PSMB2: variants seen among roughly 807,000 people sequenced by gnomAD.
PSMB2 encodes proteasome subunit beta type-2.
PSMB2 carries 13 observed loss-of-function variants against 25.7 expected under a neutral mutation model. The observed-to-expected ratio is 0.51, with a 90% confidence interval of 0.33 to 0.80. The LOEUF (loss-of-function observed/expected upper bound fraction) is 0.80. Ranked by LOEUF, PSMB2 falls within the 30% of genes least tolerant of loss-of-function variation. The pLI, the probability that PSMB2 is intolerant of heterozygous loss-of-function variation, is 0.02. For synonymous variants in PSMB2, 87 were observed against 96.2 expected, an observed-to-expected ratio of 0.90 and a Z score of 0.56; for missense variants, 202 against 259.0, an observed-to-expected ratio of 0.78 and a Z score of 1.51.
chr1:35,621,037 T>A (rs1650666992), intron 3 of PSMB2, among the ~76,000 whole-genome samples: 1 of 152,086 alleles, frequency 6.6e-6, no homozygotes, highest in Non-Finnish European at 1.5e-5. Flanking sequence ...TATTTGTTTT[T>A]AATCAGTAGA....
chr1:35,635,035 A>C (rs1651206267), intron 2 of PSMB2, among the ~76,000 whole-genome samples: 1 of 151,952 alleles, frequency 6.6e-6, no homozygotes, highest in South Asian at 2.1e-4. Flanking sequence ...CGAGGTGGGC[A>C]GATCATCTGA....
chr1:35,606,196 C>G (rs1242496846), intron 4 of PSMB2, among the ~76,000 whole-genome samples: 1 of 152,058 alleles, frequency 6.6e-6, no homozygotes, highest in Non-Finnish European at 1.5e-5. Flanking sequence ...CTAGGAAGTC[C>G]TAACCAGAGC....
At position 35,601,643 on chromosome 1, in the gene PSMB2, T is replaced by C. The variant is rs1045642969; in HGVS notation, c.*1624A>G. 6 of 985,078 alleles carry C rather than the reference T, an allele frequency of 6.1e-6. No homozygotes were observed. Among genetic ancestry groups the C allele is most frequent in the African/African-American group, 1.7e-5 (1 of 57,240 alleles). The allele number at this position is 985,078 out of a possible 1,614,324, so 61.0% of individuals were successfully genotyped here. A position where few individuals can be genotyped will look rare whatever the true frequency, so the allele number is the denominator to read the frequency against. On this transcript the variant is annotated 3_prime_UTR_variant, in exon 6 of 6. Transcript: ENST00000373237. ...GATCAGTAGGTAGTATCTTAGATGATACATTTAATCACAGACAAAACAAAA... is the reference window on the plus strand; with the variant it reads ...GATCAGTAGGTAGTATCTTAGATGACACATTTAATCACAGACAAAACAAAA...
rs949989460 is a variant in PSMB2, at chr1:35,631,566, C to G, written c.215-222G>C. 45 of 1,272,614 alleles carry G rather than the reference C, an allele frequency of 3.5e-5. No individual in the cohort carries two copies. The Admixed American group carries it at 1.4e-3, about 41-fold the overall frequency. The allele number at this position is 1,272,614 out of a possible 1,614,324, so 78.8% of individuals were successfully genotyped here. A position where few individuals can be genotyped will look rare whatever the true frequency, so the allele number is the denominator to read the frequency against. ...AGCAATTCTTGGCCACAAACAGAAC[C>G]AGTTCTATAGTGGAATGAAACTTCT... On this transcript the variant is annotated intron_variant, in intron 2 of 5. Coordinates refer to ENST00000373237, the MANE Select transcript of PSMB2 (RefSeq NM_002794.5).
intron 1 of PSMB2, 26 bp from the exon 2 acceptor site, chr1:35,636,458 G>C: frequency 6.2e-7 from 1 of 1,608,096 alleles, no homozygotes; most frequent in Non-Finnish European, 8.5e-7. Flanking sequence ...AACTGTGTTA[G>C]AAACTGCCTT....
intron 1 of PSMB2, among the ~76,000 whole-genome samples, chr1:35,639,470 A>T (rs1651333651): frequency 6.6e-6 from 1 of 152,170 alleles, no homozygotes; most frequent in African/African-American, 2.4e-5. Context: ...GAACTCATTA[A>T]TTTAAAAACC....
intron 3 of PSMB2, among the ~76,000 whole-genome samples, chr1:35,616,736 C>A (rs1650500425): frequency 6.6e-6 from 1 of 152,124 alleles, no homozygotes; most frequent in Non-Finnish European, 1.5e-5. Context: ...TAAAATGAAT[C>A]AATTGTTATT....
At position 35,599,636 on chromosome 1, in the gene PSMB2, C is replaced by G; in HGVS notation, c.*3631G>C. The stretch of plus-strand genomic sequence containing the variant: ...TTATGGAATGCCTAGCATGTCAAAT[C>G]AAAGAATTGGGCTTTATTCTCTTAA... On this transcript the variant is annotated 3_prime_UTR_variant, in exon 6 of 6. Coordinates refer to ENST00000373237, the MANE Select transcript of PSMB2 (RefSeq NM_002794.5). 2 of 984,226 alleles carry G rather than the reference C, an allele frequency of 2.0e-6. No homozygotes were observed. Among genetic ancestry groups the G allele is most frequent in the Non-Finnish European group, 2.4e-6 (2 of 828,896 alleles). The allele number at this position is 984,226 out of a possible 1,614,324, so 61.0% of individuals were successfully genotyped here.
chr1:35,602,924 G>C lies in PSMB2; in HGVS notation c.*343C>G. On this transcript the variant is annotated 3_prime_UTR_variant, in exon 6 of 6. Coordinates refer to ENST00000373237, the MANE Select transcript of PSMB2 (RefSeq NM_002794.5). ...GGGCAAAAAGAACCACTACTTTAGA[G>C]AGAATGGAGATACTAGCAAGTAAAA... The C allele has an allele frequency of 9.8e-7, 1 of 1,022,316 alleles. No homozygotes were observed. Among genetic ancestry groups the C allele is most frequent in the Non-Finnish European group, 1.2e-6 (1 of 851,496 alleles). 63.3% of individuals were successfully genotyped at this position (1,022,316 alleles called of 1,614,324 possible). A position where few individuals can be genotyped will look rare whatever the true frequency, so the allele number is the denominator to read the frequency against.
chr1:35,629,984 T>C (rs1202728855), intron 3 of PSMB2, among the ~76,000 whole-genome samples: 4 of 151,934 alleles, frequency 2.6e-5, no homozygotes, highest in Non-Finnish European at 1.5e-5. Context: ...GCCTGACACC[T>C]GACCAACATG....
In PSMB2 at chr1:35,600,624, G is replaced by A; in HGVS notation, c.*2643C>T. 5.1e-6 allele frequency: 5 copies of A among 985,398 alleles called. No homozygotes were observed. The highest frequency in any genetic ancestry group is 6.0e-6 in the Non-Finnish European group (5 of 829,928). The allele number at this position is 985,398 out of a possible 1,614,324, so 61.0% of individuals were successfully genotyped here. ...CGGTTTGGAGAGGGGCAGATGGTAA[G>A]GCTCAGCTTTAGACATACTGAGTTC... On this transcript the variant is annotated 3_prime_UTR_variant, in exon 6 of 6. Coordinates refer to ENST00000373237, the MANE Select transcript of PSMB2 (RefSeq NM_002794.5).
chr1:35,623,551 G>A (rs1650758904), intron 3 of PSMB2, among the ~76,000 whole-genome samples: 1 of 152,202 alleles, frequency 6.6e-6, no homozygotes, highest in South Asian at 2.1e-4. Flanking sequence ...CAGTGTCAAA[G>A]GCTGCCTCTT....
At chr1:35,631,735 TG>T in intron 2 of PSMB2, among the ~76,000 whole-genome samples, 1 of 152,322 alleles carries the variant, frequency 6.6e-6, no homozygotes, top group East Asian at 1.9e-4. Context: ...AAAAGGATAT[TG>T]GGGGCCAGTC....
Position 35,599,626 on chromosome 1 carries a change from C to A in PSMB2, c.*3641G>T. On this transcript the variant is annotated 3_prime_UTR_variant, in exon 6 of 6. Coordinates refer to ENST00000373237, the MANE Select transcript of PSMB2 (RefSeq NM_002794.5). Reference sequence around the variant, plus strand: ...TCGGAGAGGATTATGGAATGCCTAGCATGTCAAATCAAAGAATTGGGCTTT... The same window carrying A: ...TCGGAGAGGATTATGGAATGCCTAGAATGTCAAATCAAAGAATTGGGCTTT... 1 of 983,950 alleles carries A rather than the reference C, an allele frequency of 1.0e-6. No homozygotes were observed. Among genetic ancestry groups the A allele is most frequent in the Non-Finnish European group, 1.2e-6 (1 of 828,670 alleles). The allele number at this position is 983,950 out of a possible 1,614,324, so 61.0% of individuals were successfully genotyped here.
At chr1:35,607,270 A>T (rs966786137) in intron 4 of PSMB2, among the ~76,000 whole-genome samples, 2 of 152,198 alleles carry the variant, frequency 1.3e-5, no homozygotes, top group Non-Finnish European at 2.9e-5. Flanking sequence ...GAGAAAATAC[A>T]TGCAAACTAC....
intron 3 of PSMB2, among the ~76,000 whole-genome samples, chr1:35,609,949 A>T (rs1571123367): frequency 6.6e-6 from 1 of 152,318 alleles, no homozygotes; most frequent in Admixed American, 6.5e-5. Flanking sequence ...ATAAAAAAAA[A>T]TTTTGCAAGC....
At chr1:35,624,201 G>A (rs1650780464) in intron 3 of PSMB2, among the ~76,000 whole-genome samples, 2 of 152,134 alleles carry the variant, frequency 1.3e-5, no homozygotes, top group African/African-American at 4.8e-5. Flanking sequence ...ATTCAAGTCT[G>A]GTTGTGGTCT....
intron 3 of PSMB2, among the ~76,000 whole-genome samples, chr1:35,615,933 C>G (rs1194731322): frequency 1.3e-5 from 2 of 152,162 alleles, no homozygotes; most frequent in African/African-American, 4.8e-5. Flanking sequence ...ATATACTAAA[C>G]AGAGACTGGA....
chr1:35,631,312 A>G lies in PSMB2; in HGVS notation c.247T>C (p.Phe83Leu). ...YELSPTAAAN[F>L]TRRNLADCLR... ...CAGTCAGCCAGGTTTCGGCGTGTGAAGTTAGCTGCTGCCGTGGGAGACAAT... is the reference window on the plus strand; with the variant it reads ...CAGTCAGCCAGGTTTCGGCGTGTGAGGTTAGCTGCTGCCGTGGGAGACAAT... Residue 83 changes from phenylalanine to leucine, a missense_variant, in exon 3 of 6, where the codon TTC (phenylalanine) becomes CTC (leucine). Phe to Leu is a conservative substitution (Grantham distance 22, BLOSUM62 0). Coordinates refer to ENST00000373237, the MANE Select transcript of PSMB2 (RefSeq NM_002794.5). 1 of 1,614,184 alleles carries G rather than the reference A, an allele frequency of 6.2e-7. No individual in the cohort carries two copies. Among genetic ancestry groups the G allele is most frequent in the Non-Finnish European group, 8.5e-7 (1 of 1,180,014 alleles).
Sources: gnomAD v4.1 joint callset for allele counts (sites outside exome capture counted in the v4.1 genomes callset) on GRCh38, gnomAD v4.1.1 for gene constraint, MANE v1.5 for transcripts, NCBI Gene and HGNC (gene_info 2026-07-23, HGNC 2026-07-21) for gene names.